The following TULP4 variants were observed in gnomAD, a reference collection of about 807,000 sequenced individuals.
TULP4 encodes TUB like protein 4.
Under a neutral mutation model 129.0 loss-of-function variants are expected in TULP4, and 16 were observed. The observed-to-expected ratio is 0.12, with a 90% confidence interval of 0.08 to 0.19. TULP4 has a LOEUF of 0.19. Ranked by LOEUF, TULP4 falls within the 10% of genes least tolerant of loss-of-function variation. TULP4 has a pLI of 1.00. For synonymous variants in TULP4, 998 were observed against 854.0 expected (o/e 1.17, Z -2.94); for missense variants, 1,842 against 2,059.1 (o/e 0.89, Z 2.04).
rs1779898308 is a variant in TULP4 at position 158,479,807 on chromosome 6, A to T, written c.1083A>T (p.Ser361=). ...GHRDSRLLMA[S]GPALYVVRVE... ...GGGATTCGAGGCTGTTGATGGCATCAGGACCAGCCCTGTACGTGGTGCGTG... is the reference window on the plus strand; with the variant it reads ...GGGATTCGAGGCTGTTGATGGCATCTGGACCAGCCCTGTACGTGGTGCGTG... The change falls in exon 7 of 14, where the codon TCA becomes TCT. Residue 361 remains serine (S), a synonymous_variant. Transcript: ENST00000367097. 5.0e-6 allele frequency: 8 copies of T among 1,614,134 alleles called. No individual in the cohort carries two copies. Among genetic ancestry groups the T allele is most frequent in the Non-Finnish European group, 5.9e-6 (7 of 1,180,002 alleles).
At chr6:158,459,991 G>C (rs552009210) in intron 5 of TULP4, among the ~76,000 whole-genome samples, 4 of 152,282 alleles carry the variant, frequency 2.6e-5, no homozygotes, top group East Asian at 1.9e-4. Context: ...GATTCACCAG[G>C]ATGTTTTTGG....
At chr6:158,272,437 G>C (rs1778568634) in intron 1 of TULP4, among the ~76,000 whole-genome samples, 1 of 152,168 alleles carries the variant, frequency 6.6e-6, no homozygotes, top group African/African-American at 2.4e-5. Flanking sequence ...AGCTGAAGAA[G>C]AGGATCTGGC....
intron 1 of TULP4, among the ~76,000 whole-genome samples, chr6:158,321,639 C>T (rs574137461): frequency 6.6e-5 from 10 of 152,134 alleles, no homozygotes; most frequent in Admixed American, 1.3e-4. Context: ...AATCTCCCTG[C>T]GCTTCCCTTG....
rs141345753 is a variant in TULP4 at position 158,389,029 on chromosome 6, A to G, written c.253-24036A>G. ...TTTTGAAAATGACTGTCCCAACTCAATGTGATGTGGTGTACTGATTTATAG... is the reference window on the plus strand; with the variant it reads ...TTTTGAAAATGACTGTCCCAACTCAGTGTGATGTGGTGTACTGATTTATAG... On this transcript the variant is annotated intron_variant, in intron 1 of 13. Transcript: ENST00000367097. Among the ~76,000 whole-genome samples, 185 of 152,340 alleles carry G rather than the reference A, an allele frequency of 1.2e-3. 1 individual carries two copies. The East Asian group carries it at 0.033, about 27-fold the overall frequency.
upstream of TULP4, chr6:158,282,178 T>C (rs949512649): frequency 2.0e-5 from 3 of 152,200 alleles, no homozygotes; most frequent in African/African-American, 7.2e-5. Context: ...ACAGTGCATG[T>C]TCATTTTTAA....
chr6:158,483,247 C>G (rs1779989463), intron 8 of TULP4, among the ~76,000 whole-genome samples: 1 of 152,168 alleles, frequency 6.6e-6, no homozygotes, highest in South Asian at 2.1e-4. Flanking sequence ...CACAATATAA[C>G]TAATTGCACC....
chr6:158,342,672 G>C (rs2114758128), intron 1 of TULP4, among the ~76,000 whole-genome samples: 2 of 152,254 alleles, frequency 1.3e-5, no homozygotes, highest in Admixed American at 1.3e-4. Flanking sequence ...TTGAAAGGGT[G>C]GATTGAAGGC....
chr6:158,245,255 G>A (rs1450137471), intron 1 of TULP4, among the ~76,000 whole-genome samples: 5 of 151,336 alleles, frequency 3.3e-5, no homozygotes, highest in Non-Finnish European at 2.9e-5. Context: ...TTGCCCTCCC[G>A]AAGTGTTGGG....
In TULP4 at chr6:158,503,476, C is replaced by T. The variant is rs1780520386; in HGVS notation, c.3813C>T (p.Pro1271=). 6.2e-6 allele frequency: 10 copies of T among 1,613,992 alleles called. No individual in the cohort carries two copies. Among genetic ancestry groups the T allele is most frequent in the Non-Finnish European group, 8.5e-6 (10 of 1,180,014 alleles). Residue 1271 remains proline, a synonymous_variant, in exon 13 of 14, where the codon CCC becomes CCT. Transcript: ENST00000367097. The surrounding 1 kb of genome is among the most constrained non-coding windows in gnomAD (Gnocchi z 4.3). Reference sequence around the variant, plus strand: ...GGAGTTCCTACAGCGCCTGCCCGCCCATGCAGAACCCCCAGGGCACTCTCC... The same window carrying T: ...GGAGTTCCTACAGCGCCTGCCCGCCTATGCAGAACCCCCAGGGCACTCTCC... ...HPWSSYSACP[P]MQNPQGTLPP... is the part of the protein sequence containing the mutation.
At chr6:158,415,849 A>G (rs1477363316) in intron 2 of TULP4, among the ~76,000 whole-genome samples, 2 of 152,100 alleles carry the variant, frequency 1.3e-5, no homozygotes, top group African/African-American at 4.8e-5. Flanking sequence ...GAGTTTTTGA[A>G]GGAGAACTGA....
At chr6:158,351,158 A>C (rs1780508863) in intron 1 of TULP4, among the ~76,000 whole-genome samples, 1 of 152,166 alleles carries the variant, frequency 6.6e-6, no homozygotes, top group South Asian at 2.1e-4. Context: ...GATGGTCCTG[A>C]GTTATACAGT....
Position 158,510,807 on chromosome 6 carries a change from C to G in TULP4, c.*4113C>G, listed in dbSNP as rs909872486. Reference sequence around the variant, plus strand: ...CCACAGGAATATATACCTAGGTCACCTCAAATTCCTGAGTGTGCTCTGCCA... The same window carrying G: ...CCACAGGAATATATACCTAGGTCACGTCAAATTCCTGAGTGTGCTCTGCCA... On this transcript the variant is annotated 3_prime_UTR_variant, in exon 14 of 14. Transcript: ENST00000367097. 2.6e-5 allele frequency: 4 copies of G among 152,042 alleles called. No homozygotes were observed. The highest frequency in any genetic ancestry group is 4.8e-5 in the African/African-American group (2 of 41,366). The allele number at this position is 152,042 out of a possible 1,614,324, so 9.4% of individuals were successfully genotyped here. A position where few individuals can be genotyped will look rare whatever the true frequency, so the allele number is the denominator to read the frequency against.
intron 11 of TULP4, among the ~76,000 whole-genome samples, chr6:158,495,590 C>G (rs142202161): frequency 1.8e-3 from 275 of 152,232 alleles, no homozygotes; most frequent in African/African-American, 6.2e-3. Flanking sequence ...CGCCTGTAAT[C>G]CCAGCACTTT....
In TULP4 at chr6:158,258,876, T is replaced by C. The variant is rs115696309; in HGVS notation, n.68+26573T>C. On this transcript the variant is annotated intron_variant and non_coding_transcript_variant, in intron 1 of 1. Coordinates refer to the TULP4 transcript ENST00000620026. The stretch of plus-strand genomic sequence containing the variant: ...GCTTAGAGAAATTGTGGCCAAAGTT[T>C]AACCAAGCAGGGTAGCTTGACATGG... Among the ~76,000 whole-genome samples, 1,352 of 152,302 alleles carry C rather than the reference T, an allele frequency of 8.9e-3. 19 individuals carry two copies. The highest frequency in any genetic ancestry group is 0.031 in the African/African-American group (1,270 of 41,572).
intron 1 of TULP4, among the ~76,000 whole-genome samples, chr6:158,244,173 T>C (rs1777981722): frequency 6.6e-6 from 1 of 152,276 alleles, no homozygotes; most frequent in African/African-American, 2.4e-5. Flanking sequence ...GGCTGGCACC[T>C]GAGTCCTTCT....
chr6:158,243,689 A>T, intron 1 of TULP4, among the ~76,000 whole-genome samples: 1 of 152,086 alleles, frequency 6.6e-6, no homozygotes, highest in South Asian at 2.1e-4. Flanking sequence ...AAAGAATCCA[A>T]TTTTATTTTT....
At chr6:158,449,952 A>G (rs1779130570) in intron 4 of TULP4, among the ~76,000 whole-genome samples, 1 of 152,164 alleles carries the variant, frequency 6.6e-6, no homozygotes, top group Admixed American at 6.5e-5. Flanking sequence ...CACATAATGT[A>G]TAGTGATCAG....
intron 1 of TULP4, among the ~76,000 whole-genome samples, chr6:158,254,165 C>T (rs1164619423): frequency 6.6e-6 from 1 of 152,124 alleles, no homozygotes; most frequent in African/African-American, 2.4e-5. Context: ...TCAGTGGAGA[C>T]AGAGTCTTGC....
intron 8 of TULP4, among the ~76,000 whole-genome samples, chr6:158,486,149 C>T (rs1014830569): frequency 6.6e-6 from 1 of 152,120 alleles, no homozygotes; most frequent in Admixed American, 6.5e-5. Context: ...CCCCACGTCA[C>T]CCCCAAAATT....
Sources: gnomAD v4.1 joint callset for allele counts (sites outside exome capture counted in the v4.1 genomes callset) on GRCh38, gnomAD v4.1.1 for gene constraint, Gnocchi (gnomAD v3.1) non-coding constraint, MANE v1.5 for transcripts, NCBI Gene and HGNC (gene_info 2026-07-23, HGNC 2026-07-21) for gene names.